Variants in PCDHGB3 observed in about 807,000 individuals in gnomAD.
PCDHGB3 encodes the protein protocadherin gamma subfamily B, 3.
A neutral mutation model predicts 59.2 loss-of-function variants in PCDHGB3; 40 were observed. The ratio of observed to expected loss-of-function variants is 0.68; its 90% confidence interval spans 0.52 to 0.88. PCDHGB3 has a LOEUF of 0.88. Among genes scored for constraint, PCDHGB3 ranks in the 40% least tolerant of loss-of-function variants. The pLI, the probability that PCDHGB3 is intolerant of heterozygous loss-of-function variation, is 0.00. For missense variants in PCDHGB3, 1,309 were observed against 1,187.9 expected (o/e 1.10, Z -1.50); for synonymous variants, 581 against 503.6 (o/e 1.15, Z -2.06).
chr5:141,382,690 G>T, intron 1 of PCDHGB3: 1 of 448,422 alleles, frequency 2.2e-6, no homozygotes, highest in Middle Eastern at 5.6e-4. Flanking sequence ...AGGGAAAAAT[G>T]GTGCGAGAGA....
chr5:141,382,869 T>C (rs887588063), intron 1 of PCDHGB3: 1 of 1,519,592 alleles, frequency 6.6e-7, no homozygotes, highest in Non-Finnish European at 8.8e-7. Flanking sequence ...CTTCCCGAGA[T>C]CGGCGCCTAA....
At chr5:141,376,187 T>C in intron 1 of PCDHGB3, 3 of 1,614,148 alleles carry the variant, frequency 1.9e-6, no homozygotes, top group Non-Finnish European at 2.5e-6. Flanking sequence ...CGCGGTCTCC[T>C]GCGTCTTCCT....
chr5:141,425,127 A>G (rs1353123394), intron 1 of PCDHGB3, among the ~76,000 whole-genome samples: 2 of 152,208 alleles, frequency 1.3e-5, no homozygotes, highest in Non-Finnish European at 2.9e-5. Flanking sequence ...CTTGAAGTCA[A>G]GAAAAATGTT....
At chr5:141,421,352 A>T in intron 1 of PCDHGB3, 1 of 1,613,946 alleles carries the variant, frequency 6.2e-7, no homozygotes, top group Non-Finnish European at 8.5e-7. Context: ...GAGACCGAAA[A>T]GGGCTCCTTC....
chr5:141,415,684 A>G, intron 1 of PCDHGB3: 2 of 1,437,842 alleles, frequency 1.4e-6, no homozygotes, highest in Non-Finnish European at 1.9e-6. Flanking sequence ...TTGCGGCATG[A>G]TGGTGGAAAG....
intron 1 of PCDHGB3, chr5:141,378,833 C>T (rs1224132304): frequency 6.6e-6 from 1 of 152,128 alleles, no homozygotes; most frequent in East Asian, 1.9e-4. Context: ...GAACAGAAAA[C>T]AGCAGAGTTT....
At position 141,371,732 on chromosome 5, in the gene PCDHGB3, C is replaced by T; in HGVS notation, c.1338C>T (p.Asn446=). The change falls in exon 1 of 4, where the codon AAC becomes AAT. Residue 446 remains asparagine (N), a synonymous_variant. Coordinates refer to ENST00000576222, the MANE Select transcript of PCDHGB3 (RefSeq NM_018924.5). The stretch of plus-strand genomic sequence containing the variant: ...TCACTCTGCACATCCTTGATGTCAA[C>T]GACAACGTTCCCGTTTTCCACCAGG... ...KTITLHILDV[N]DNVPVFHQAS... 1.9e-6 allele frequency: 3 copies of T among 1,614,046 alleles called. No individual in the cohort carries two copies. The highest frequency in any genetic ancestry group is 2.5e-6 in the Non-Finnish European group (3 of 1,179,898).
intron 1 of PCDHGB3, chr5:141,405,200 C>T (rs1458944760): frequency 2.5e-6 from 4 of 1,613,508 alleles, no homozygotes; most frequent in Non-Finnish European, 3.4e-6. Flanking sequence ...TCGAGCTTTC[C>T]TACAGACCTA....
At chr5:141,424,525 A>G (rs1010194490) in intron 1 of PCDHGB3, 2 of 152,196 alleles carry the variant, frequency 1.3e-5, no homozygotes, top group Non-Finnish European at 2.9e-5. Context: ...TAGTAAATCC[A>G]TATATAGAAA....
chr5:141,399,735 T>A (rs909521642), intron 1 of PCDHGB3: 1 of 1,613,198 alleles, frequency 6.2e-7, no homozygotes, highest in African/African-American at 1.3e-5. Flanking sequence ...AGGGCTCGCC[T>A]GCGCTCAGCG....
chr5:141,415,163 C>G (rs572456395), intron 1 of PCDHGB3: 11 of 1,613,856 alleles, frequency 6.8e-6, no homozygotes, highest in African/African-American at 1.3e-5. Context: ...GCCACTGTCA[C>G]GCTCACCGTG....
rs776120937 is a variant in PCDHGB3 at position 141,388,588 on chromosome 5, C to A, written c.2415+15779C>A. On this transcript the variant is annotated intron_variant, in intron 1 of 3. Transcript: ENST00000576222. ...CAGATACACGTTCTAGTGACTGATG[C>A]CAATGATAATGCTCCAGTGTTCAGT... The A allele has an allele frequency of 1.9e-6, 3 of 1,613,876 alleles. No individual in the cohort carries two copies. The South Asian group carries it at 3.3e-5, about 18-fold the overall frequency.
At chr5:141,450,754 C>G (rs192088793) in intron 1 of PCDHGB3, among the ~76,000 whole-genome samples, 1 of 150,996 alleles carries the variant, frequency 6.6e-6, no homozygotes, top group Non-Finnish European at 1.5e-5. Context: ...CCCAAAGTGC[C>G]GGGATTACAG....
Position 141,489,564 on chromosome 5 carries a change from G to A in PCDHGB3, c.2416-5243G>A, listed in dbSNP as rs375200685. The A allele has an allele frequency of 1.9e-6, 3 of 1,613,980 alleles. No homozygotes were observed. Among genetic ancestry groups the A allele is most frequent in the Non-Finnish European group, 1.7e-6 (2 of 1,180,020 alleles). On this transcript the variant is annotated intron_variant, in intron 1 of 3. Transcript: ENST00000576222. This position sits in a 1 kb window ranked among gnomAD's most constrained non-coding sequence, Gnocchi z 4.5. Reference sequence around the variant, plus strand: ...CCAGCTGCCTGCTGCCAGTGCAGGTGGTGACTGAACACCCCCTGGAGCTAA... The same window carrying A: ...CCAGCTGCCTGCTGCCAGTGCAGGTAGTGACTGAACACCCCCTGGAGCTAA...
rs968865313 is a variant in PCDHGB3, at chr5:141,511,294, C to T, written c.*121C>T. 1 of 1,506,752 alleles carries T rather than the reference C, an allele frequency of 6.6e-7. No individual in the cohort carries two copies. Among genetic ancestry groups the T allele is most frequent in the Non-Finnish European group, 8.9e-7 (1 of 1,123,692 alleles). 93.3% of individuals were successfully genotyped at this position (1,506,752 alleles called of 1,614,324 possible). On this transcript the variant is annotated 3_prime_UTR_variant, in exon 4 of 4. Coordinates refer to ENST00000576222, the MANE Select transcript of PCDHGB3 (RefSeq NM_018924.5). ...CCCAGAATACTGGTAGGGGCCAAGG[C>T]CATGCTCCCCTTGGGAAACAGAAAC...
intron 1 of PCDHGB3, among the ~76,000 whole-genome samples, chr5:141,434,854 A>G (rs2097723190): frequency 6.6e-6 from 1 of 151,936 alleles, no homozygotes; most frequent in Admixed American, 6.6e-5. Context: ...ACATCAATAA[A>G]TTTATATATA....
intron 1 of PCDHGB3, chr5:141,428,236 G>T: frequency 5.8e-6 from 6 of 1,027,096 alleles, no homozygotes; most frequent in Non-Finnish European, 8.9e-6. Flanking sequence ...CAGCCTGCAG[G>T]AGGCACTGCC....
At chr5:141,500,615 A>G (rs1341597957) in intron 2 of PCDHGB3, among the ~76,000 whole-genome samples, 1 of 152,232 alleles carries the variant, frequency 6.6e-6, no homozygotes, top group East Asian at 1.9e-4. Flanking sequence ...ATTCCCAGTC[A>G]TACGGTACAT....
At chr5:141,479,936 T>C (rs532302710) in intron 1 of PCDHGB3, among the ~76,000 whole-genome samples, 97 of 152,340 alleles carry the variant, frequency 6.4e-4, no homozygotes, top group African/African-American at 2.2e-3. Flanking sequence ...ATCATTGCTA[T>C]CAACTCTTGG....
Sources: gnomAD v4.1 joint callset for allele counts (sites outside exome capture counted in the v4.1 genomes callset) on GRCh38, gnomAD v4.1.1 for gene constraint, Gnocchi (gnomAD v3.1) non-coding constraint, MANE v1.5 for transcripts, NCBI Gene and HGNC (gene_info 2026-07-23, HGNC 2026-07-21) for gene names.